The following ZBTB8A variants were observed in gnomAD, a reference collection of about 807,000 sequenced individuals.
ZBTB8A encodes the protein zinc finger and BTB domain containing 8A.
ZBTB8A carries 19 observed loss-of-function variants against 37.8 expected under a neutral mutation model. The ratio of observed to expected loss-of-function variants is 0.50; its 90% confidence interval spans 0.35 to 0.74. ZBTB8A has a LOEUF of 0.74. ZBTB8A is among the 30% of genes least tolerant of loss of function. ZBTB8A has a pLI of 0.01. For missense variants in ZBTB8A, 394 were observed against 537.8 expected, an observed-to-expected ratio of 0.73 and a Z score of 2.65; for synonymous variants, 181 against 185.2, an observed-to-expected ratio of 0.98 and a Z score of 0.19.
At position 32,539,496 on chromosome 1, in the gene ZBTB8A, G is replaced by C. The variant is rs1644029701; in HGVS notation, c.-160G>C. On this transcript the variant is annotated 5_prime_UTR_variant, in exon 1 of 5. Transcript: ENST00000373510. Reference sequence around the variant, plus strand: ...GGGCGCAAAGGAACGGCCTCGAAAGGGGGTCCTTCCCCAGCCGAGAACCAG... The same window carrying C: ...GGGCGCAAAGGAACGGCCTCGAAAGCGGGTCCTTCCCCAGCCGAGAACCAG... 1 of 152,232 alleles carries C rather than the reference G, an allele frequency of 6.6e-6. No individual in the cohort carries two copies. Among genetic ancestry groups the C allele is most frequent in the African/African-American group, 2.4e-5 (1 of 41,418 alleles). 9.4% of individuals were successfully genotyped at this position (152,232 alleles called of 1,614,324 possible).
chr1:32,541,844 G>A (rs1296576142), intron 1 of ZBTB8A, among the ~76,000 whole-genome samples: 3 of 152,134 alleles, frequency 2.0e-5, no homozygotes, highest in African/African-American at 4.8e-5. Context: ...AGATGATACC[G>A]TTGCAATCGG....
At chr1:32,587,490 G>A (rs1329282366) in intron 2 of ZBTB8A, among the ~76,000 whole-genome samples, 1 of 148,042 alleles carries the variant, frequency 6.8e-6, no homozygotes, top group East Asian at 2.1e-4. Context: ...ATGTTAAGAT[G>A]CTGTGATTGG....
chr1:32,560,518 G>T lies in ZBTB8A; in HGVS notation c.-2+6978G>T, dbSNP rs371481755. Among the ~76,000 whole-genome samples the T allele has an allele frequency of 1.1e-3, 151 of 141,854 alleles. 1 individual carries two copies. The South Asian group carries it at 0.028, about 26-fold the overall frequency. The allele number at this position is 141,854 out of a possible 152,430, so 93.1% of individuals were successfully genotyped here. A position where few individuals can be genotyped will look rare whatever the true frequency, so the allele number is the denominator to read the frequency against. On this transcript the variant is annotated intron_variant, in intron 2 of 4. Transcript: ENST00000373510. ...AAATTACCCAGTTTCAGCGTTTTTT[G>T]TTGTTGTTGTTGTTATAAGTAACAG...
chr1:32,549,142 C>T (rs1644130527), intron 1 of ZBTB8A, among the ~76,000 whole-genome samples: 1 of 151,996 alleles, frequency 6.6e-6, no homozygotes, highest in South Asian at 2.1e-4. Flanking sequence ...GAGCCGAGAT[C>T]ACGTCACTGC....
At chr1:32,595,909 C>T (rs1188466271) in intron 4 of ZBTB8A, among the ~76,000 whole-genome samples, 2 of 152,078 alleles carry the variant, frequency 1.3e-5, no homozygotes, top group South Asian at 2.1e-4. Flanking sequence ...CCACCTGCCT[C>T]AGCCTCCCAA....
chr1:32,573,841 G>A (rs902687014), intron 2 of ZBTB8A, among the ~76,000 whole-genome samples: 2 of 149,034 alleles, frequency 1.3e-5, no homozygotes, highest in African/African-American at 5.0e-5. Flanking sequence ...TTGGGAGGCC[G>A]AGACAGGCGG....
intron 2 of ZBTB8A, among the ~76,000 whole-genome samples, chr1:32,589,223 A>G (rs1644470404): frequency 6.6e-6 from 1 of 152,062 alleles, no homozygotes; most frequent in Non-Finnish European, 1.5e-5. Context: ...TGTGTCACCC[A>G]GGCTGAAGGG....
At chr1:32,558,511 G>C (rs1644220565) in intron 2 of ZBTB8A, among the ~76,000 whole-genome samples, 1 of 151,830 alleles carries the variant, frequency 6.6e-6, no homozygotes, top group Non-Finnish European at 1.5e-5. Flanking sequence ...ATCTGGAGGT[G>C]GGAAGATATC....
At chr1:32,548,869 ATT>A (rs1644127786) in intron 1 of ZBTB8A, among the ~76,000 whole-genome samples, 1 of 152,142 alleles carries the variant, frequency 6.6e-6, no homozygotes, top group Non-Finnish European at 1.5e-5. Flanking sequence ...TTGTCCCTGT[ATT>A]AGTCCATGCT....
chr1:32,581,862 G>A (rs569228691), intron 2 of ZBTB8A, among the ~76,000 whole-genome samples: 47 of 152,160 alleles, frequency 3.1e-4, no homozygotes, highest in Middle Eastern at 3.4e-3. Context: ...GCCAGCAGAG[G>A]AAATGCCAGA....
At chr1:32,547,828 C>CAAAAAAAAAAAAAAAAAAAAAAAA (rs1194254576) in intron 1 of ZBTB8A, among the ~76,000 whole-genome samples, 10 of 30,462 alleles carry the variant, frequency 3.3e-4, no homozygotes, top group African/African-American at 5.6e-4. Flanking sequence ...ACAAACAAAG[C>CAAAAAAAAAAAAAAAAAAAAAAAA]AAAAAAAAAA....
chr1:32,567,537 G>C (rs1286531754), intron 2 of ZBTB8A, among the ~76,000 whole-genome samples: 1 of 152,092 alleles, frequency 6.6e-6, no homozygotes, highest in African/African-American at 2.4e-5. Flanking sequence ...GCTCACACCT[G>C]TAATCCCAGC....
In ZBTB8A at chr1:32,603,321, G is replaced by A. The variant is rs1644591369; in HGVS notation, c.*2902G>A. 1 of 152,150 alleles carries A rather than the reference G, an allele frequency of 6.6e-6. No individual in the cohort carries two copies. Among genetic ancestry groups the A allele is most frequent in the Non-Finnish European group, 1.5e-5 (1 of 68,076 alleles). 9.4% of individuals were successfully genotyped at this position (152,150 alleles called of 1,614,324 possible). A position where few individuals can be genotyped will look rare whatever the true frequency, so the allele number is the denominator to read the frequency against. On this transcript the variant is annotated 3_prime_UTR_variant, in exon 5 of 5. Transcript: ENST00000373510. ...ATTTTTGTATTTTTAGTAGAGACAG[G>A]GTTTCGCTATGTTGGCCAGGCTGGT...
chr1:32,589,248 CA>C (rs1644470597), intron 2 of ZBTB8A, among the ~76,000 whole-genome samples: 1 of 151,788 alleles, frequency 6.6e-6, no homozygotes, highest in South Asian at 2.1e-4. Context: ...TTTTTGTTGG[CA>C]CATGTGTTTG....
chr1:32,581,835 G>A (rs1002592645), intron 2 of ZBTB8A, among the ~76,000 whole-genome samples: 7 of 152,078 alleles, frequency 4.6e-5, no homozygotes, highest in South Asian at 2.1e-4. Flanking sequence ...TTTACAGGGC[G>A]GCAGGATGGA....
chr1:32,581,502 C>A lies in ZBTB8A; in HGVS notation c.-1-11429C>A, dbSNP rs1393251635. Among the ~76,000 whole-genome samples, 3 of 150,746 alleles carry A rather than the reference C, an allele frequency of 2.0e-5. No individual in the cohort carries two copies. The South Asian group carries it at 6.2e-4, about 31-fold the overall frequency. On this transcript the variant is annotated intron_variant, in intron 2 of 4. Coordinates refer to ENST00000373510, the MANE Select transcript of ZBTB8A (RefSeq NM_001040441.3). ...AAGTAGCTGGGATTACAGGCGCACGCCAACATGTCTGGCTAATTTTTGTAT... is the reference window on the plus strand; with the variant it reads ...AAGTAGCTGGGATTACAGGCGCACGACAACATGTCTGGCTAATTTTTGTAT...
Position 32,593,057 on chromosome 1 carries a change from A to G in ZBTB8A, c.126A>G (p.Leu42=). 3.7e-6 allele frequency: 6 copies of G among 1,614,224 alleles called. No homozygotes were observed. The highest frequency in any genetic ancestry group is 5.1e-6 in the Non-Finnish European group (6 of 1,180,052). ...GKVFKAHRNV[L]FASSGYFKML... Reference sequence around the variant, plus strand: ...TCTTCAAAGCACATCGAAATGTATTATTCGCTAGTAGCGGCTACTTTAAAA... The same window carrying G: ...TCTTCAAAGCACATCGAAATGTATTGTTCGCTAGTAGCGGCTACTTTAAAA... Residue 42 remains leucine (L), a synonymous_variant, in exon 3 of 5, where the codon TTA becomes TTG. Coordinates refer to ENST00000373510, the MANE Select transcript of ZBTB8A (RefSeq NM_001040441.3).
chr1:32,562,121 G>GT (rs770827959), intron 2 of ZBTB8A, among the ~76,000 whole-genome samples: 16,498 of 129,792 alleles, frequency 0.13, 1,256 homozygotes, highest in African/African-American at 0.24. Flanking sequence ...ATTTTTGTTT[G>GT]TTTTTTTTTT....
chr1:32,553,082 C>T (rs1387087050), intron 1 of ZBTB8A, among the ~76,000 whole-genome samples: 5 of 147,992 alleles, frequency 3.4e-5, no homozygotes, highest in Non-Finnish European at 7.4e-5. Context: ...TTTTTTGAGA[C>T]GAAGTCTTGC....
Sources: allele counts gnomAD v4.1 joint callset (sites outside exome capture counted in the v4.1 genomes callset), GRCh38; gene constraint gnomAD v4.1.1; transcripts MANE v1.5; gene names NCBI Gene and HGNC (gene_info 2026-07-23, HGNC 2026-07-21).